The following MANSC1 variants were observed in gnomAD, a reference collection of about 807,000 sequenced individuals.
MANSC1 encodes MANSC domain containing 1.
Under a neutral mutation model 14.1 loss-of-function variants are expected in MANSC1, and 13 were observed. That is an observed-to-expected ratio of 0.92 (90% CI 0.60 to 1.46). MANSC1 has a LOEUF of 1.46. Ranked by LOEUF, MANSC1 falls within the 40% of genes most tolerant of loss-of-function variation. The pLI, the probability that MANSC1 is intolerant of heterozygous loss-of-function variation, is 0.00. For synonymous variants in MANSC1, 227 were observed against 200.7 expected, an observed-to-expected ratio of 1.13 and a Z score of -1.11; for missense variants, 486 against 511.4, an observed-to-expected ratio of 0.95 and a Z score of 0.48.
intron 2 of MANSC1, among the ~76,000 whole-genome samples, chr12:12,341,683 T>C (rs76136567): frequency 6.6e-6 from 1 of 152,298 alleles, no homozygotes; most frequent in African/African-American, 2.4e-5. Context: ...TGGAGTGCAG[T>C]GGTTCGATCA....
At chr12:12,349,830 CCTT>C (rs1863054566) in intron 1 of MANSC1, among the ~76,000 whole-genome samples, 1 of 152,236 alleles carries the variant, frequency 6.6e-6, no homozygotes, top group East Asian at 1.9e-4. Flanking sequence ...TTCTGCCTCT[CCTT>C]CTGATGTCAA....
intron 1 of MANSC1, among the ~76,000 whole-genome samples, chr12:12,347,209 C>T (rs1863020480): frequency 6.6e-6 from 1 of 152,148 alleles, no homozygotes; most frequent in Non-Finnish European, 1.5e-5. Flanking sequence ...AGTGGGAGCC[C>T]TGAGCTTGTC....
intron 1 of MANSC1, among the ~76,000 whole-genome samples, chr12:12,344,964 T>TATATATAC (rs1862990918): frequency 1.8e-5 from 2 of 108,412 alleles, no homozygotes; most frequent in Non-Finnish European, 3.8e-5. Context: ...TATATATATA[T>TATATATAC]ATATTACACT....
At position 12,329,877 on chromosome 12, in the gene MANSC1, C is replaced by T; in HGVS notation, c.*150G>A. On this transcript the variant is annotated 3_prime_UTR_variant, in exon 4 of 4. Transcript: ENST00000535902. ...CTCCAGCCTGGGCAACAAAGCAAGA[C>T]TCTGTCTCCAAAAAAAAAAAAGGAA... 1.5e-6 allele frequency: 1 copy of T among 663,756 alleles called. No individual in the cohort carries two copies. Among genetic ancestry groups the T allele is most frequent in the Non-Finnish European group, 2.5e-6 (1 of 398,038 alleles). 41.1% of individuals were successfully genotyped at this position (663,756 alleles called of 1,614,324 possible). A position where few individuals can be genotyped will look rare whatever the true frequency, so the allele number is the denominator to read the frequency against.
At chr12:12,342,808 G>A (rs967074532) in intron 2 of MANSC1, among the ~76,000 whole-genome samples, 1 of 151,960 alleles carries the variant, frequency 6.6e-6, no homozygotes. Context: ...CATTTCAATA[G>A]GATTTTTGTT....
chr12:12,334,250 G>C (rs1862829188), intron 3 of MANSC1, among the ~76,000 whole-genome samples: 1 of 150,926 alleles, frequency 6.6e-6, no homozygotes, highest in Non-Finnish European at 1.5e-5. Flanking sequence ...CTGCACTGCA[G>C]CCTGGGCAAC....
At position 12,334,365 on chromosome 12, in the gene MANSC1, T is replaced by C. The variant is rs186676159; in HGVS notation, c.365-3407A>G. On this transcript the variant is annotated intron_variant, in intron 3 of 3. Transcript: ENST00000535902. ...CAGAAACAAACCACCAAACAGATAA[T>C]CTGTATTTAATTTCACTCCAGGCAG... 3.3e-4 allele frequency among the ~76,000 whole-genome samples: 50 copies of C among 151,436 alleles called. No individual in the cohort carries two copies. The East Asian group carries it at 7.6e-3, about 23-fold the overall frequency.
At chr12:12,349,229 G>A (rs1863046570) in intron 1 of MANSC1, among the ~76,000 whole-genome samples, 1 of 152,108 alleles carries the variant, frequency 6.6e-6, no homozygotes, top group Non-Finnish European at 1.5e-5. Flanking sequence ...GGACTCCCCA[G>A]GTTAATAATT....
chr12:12,344,916 CATATAT>C lies in MANSC1; in HGVS notation c.-100-1508_-100-1503del, dbSNP rs536743365. Among the ~76,000 whole-genome samples, 319 of 33,438 alleles carry C rather than the reference CATATAT, an allele frequency of 9.5e-3. 3 individuals are homozygous for C. Among genetic ancestry groups the C allele is most frequent in the Non-Finnish European group, 0.011 (198 of 17,592 alleles). 21.9% of individuals were successfully genotyped at this position (33,438 alleles called of 152,430 possible). A position where few individuals can be genotyped will look rare whatever the true frequency, so the allele number is the denominator to read the frequency against. ...TGTGAGTTAATACTTAATAAACTCC[CATATAT>C]ATATATATATATATATATATATATA... is the stretch of plus-strand genomic sequence containing the variant. On this transcript the variant is annotated intron_variant, in intron 1 of 3. Coordinates refer to ENST00000535902, the MANE Select transcript of MANSC1 (RefSeq NM_018050.4).
intron 1 of MANSC1, among the ~76,000 whole-genome samples, chr12:12,349,691 A>G (rs898791195): frequency 6.6e-6 from 1 of 152,230 alleles, no homozygotes; most frequent in Non-Finnish European, 1.5e-5. Context: ...TTATAACTGT[A>G]TACACACACA....
intron 2 of MANSC1, among the ~76,000 whole-genome samples, chr12:12,342,631 C>G (rs1322950671): frequency 7.9e-6 from 1 of 126,278 alleles, no homozygotes; most frequent in Non-Finnish European, 1.6e-5. Flanking sequence ...GCCACCAGCT[C>G]CAAGGAAGGA....
In MANSC1 at chr12:12,327,485, GT is replaced by G. The variant is rs1386126134; in HGVS notation, c.*2541del. On this transcript the variant is annotated 3_prime_UTR_variant, in exon 4 of 4. Transcript: ENST00000535902. ...CATCACTCATCTGGACCGCTCCCATGTGGTCTCCCCATCACAACAAAGACTG... is the reference window on the plus strand; with the variant it reads ...CATCACTCATCTGGACCGCTCCCATGGGTCTCCCCATCACAACAAAGACTG... 3 of 152,234 alleles carry G rather than the reference GT, an allele frequency of 2.0e-5. No individual in the cohort carries two copies. The highest frequency in any genetic ancestry group is 4.4e-5 in the Non-Finnish European group (3 of 68,078). 9.4% of individuals were successfully genotyped at this position (152,234 alleles called of 1,614,324 possible).
chr12:12,339,556 C>T (rs1200832778), intron 2 of MANSC1, among the ~76,000 whole-genome samples: 2 of 152,144 alleles, frequency 1.3e-5, no homozygotes, highest in Non-Finnish European at 2.9e-5. Context: ...GTGTAAGCCA[C>T]TGCACCTGGC....
rs1330894109 is a variant in MANSC1, at chr12:12,329,072, C to T, written c.*955G>A. 6.6e-6 allele frequency: 1 copy of T among 151,272 alleles called. No homozygotes were observed. The highest frequency in any genetic ancestry group is 2.4e-5 in the African/African-American group (1 of 41,058). 9.4% of individuals were successfully genotyped at this position (151,272 alleles called of 1,614,324 possible). A position where few individuals can be genotyped will look rare whatever the true frequency, so the allele number is the denominator to read the frequency against. On this transcript the variant is annotated 3_prime_UTR_variant, in exon 4 of 4. Transcript: ENST00000535902. Reference sequence around the variant, plus strand: ...AAGTGGATATGGCCATTTATCAGAACTGACTTATCATTGTCTCCATGTGGG... The same window carrying T: ...AAGTGGATATGGCCATTTATCAGAATTGACTTATCATTGTCTCCATGTGGG...
rs137941495 is a variant in MANSC1, at chr12:12,330,085, C to T, written c.1238G>A (p.Arg413His). The T allele has an allele frequency of 5.5e-4, 892 of 1,614,124 alleles. 11 individuals carry two copies. The South Asian group carries it at 7.5e-3, about 14-fold the overall frequency. Residue 413 changes from arginine to histidine, a missense_variant, in exon 4 of 4, where the codon CGC becomes CAC. Physicochemically the swap from Arg to His is conservative, Grantham distance 29. Coordinates refer to ENST00000535902, the MANE Select transcript of MANSC1 (RefSeq NM_018050.4). Reference sequence around the variant, plus strand: ...ATCCAGTCTTGAGTAACGTTTCCTGCGGAGTGATTCCGAGAGGATTCTACC... The same window carrying T: ...ATCCAGTCTTGAGTAACGTTTCCTGTGGAGTGATTCCGAGAGGATTCTACC... ...LLGRILSESL[R>H]RKRYSRLDYL...
chr12:12,333,044 A>AATATATATATAT (rs147386841), intron 3 of MANSC1, among the ~76,000 whole-genome samples: 11,630 of 148,194 alleles, frequency 0.078, 504 homozygotes, highest in Non-Finnish European at 0.11. Context: ...TATATTTGAA[A>AATATATATATAT]ATATATATAT....
intron 3 of MANSC1, among the ~76,000 whole-genome samples, chr12:12,332,452 G>T (rs528632369): frequency 6.6e-6 from 1 of 152,304 alleles, no homozygotes; most frequent in South Asian, 2.1e-4. Flanking sequence ...ACTACGGCCT[G>T]ATGGACAAAT....
intron 2 of MANSC1, among the ~76,000 whole-genome samples, chr12:12,340,396 C>T (rs1862918550): frequency 1.3e-5 from 2 of 152,164 alleles, no homozygotes; most frequent in South Asian, 4.1e-4. Context: ...AGTTTTATCA[C>T]GTCATATCCC....
At chr12:12,334,777 A>C (rs1249871043) in intron 3 of MANSC1, among the ~76,000 whole-genome samples, 1 of 152,204 alleles carries the variant, frequency 6.6e-6, no homozygotes, top group Non-Finnish European at 1.5e-5. Context: ...TTCAGCTGTA[A>C]TTTCTATCAT....
Sources: allele counts gnomAD v4.1 joint callset (sites outside exome capture counted in the v4.1 genomes callset), GRCh38; gene constraint gnomAD v4.1.1; transcripts MANE v1.5; gene names NCBI Gene and HGNC (gene_info 2026-07-23, HGNC 2026-07-21).